NBPF26: variants seen among roughly 807,000 people sequenced by gnomAD.
The protein encoded by NBPF26 is NBPF family member NBPF26.
In NBPF26, 79 loss-of-function variants were observed where a neutral mutation model predicts 119.6. The ratio of observed to expected loss-of-function variants is 0.66; its 90% confidence interval spans 0.55 to 0.80. The LOEUF (loss-of-function observed/expected upper bound fraction) is 0.80. Ranked by LOEUF, NBPF26 falls within the 30% of genes least tolerant of loss-of-function variation. NBPF26 has a pLI of 0.00. For synonymous variants in NBPF26, 299 were observed against 457.7 expected (o/e 0.65, Z 4.43); for missense variants, 800 against 1,198.2 (o/e 0.67, Z 4.91).
At chr1:120,812,918 TAAA>T (rs1387856415) in intron 10 of NBPF26, among the ~76,000 whole-genome samples, 4,099 of 37,328 alleles carry the variant, frequency 0.11, 7 homozygotes, top group Middle Eastern at 0.18. Context: ...GCAAGACTGC[TAAA>T]AATAATAATA....
intron 14 of NBPF26, 65 bp downstream of exon 14, chr1:120,816,892 A>C: frequency 6.9e-7 from 1 of 1,444,378 alleles, no homozygotes; most frequent in Non-Finnish European, 9.3e-7. Context: ...CTCTGAAGAC[A>C]GGCTCTATAA....
intron 3 of NBPF26, among the ~76,000 whole-genome samples, chr1:120,790,661 G>T (rs1205907190): frequency 1.9e-5 from 2 of 105,316 alleles, no homozygotes; most frequent in Admixed American, 9.5e-5. Flanking sequence ...GTACAGTGGC[G>T]CAGTCTCGGC....
intron 3 of NBPF26, among the ~76,000 whole-genome samples, chr1:120,789,519 A>G (rs1651459962): frequency 8.9e-6 from 1 of 112,438 alleles, no homozygotes; most frequent in Non-Finnish European, 1.7e-5. Context: ...TGAGGAACCC[A>G]TCAGATCTCA....
At position 120,840,372 on chromosome 1, in the gene NBPF26, G is replaced by A; in HGVS notation, c.4126G>A (p.Val1376Met). Reference sequence around the variant, plus strand: ...CAGGCTCAACAGCATGCTGATGGAAGTGGAAGAGCCTGAAGTCTTGCAGGA... The same window carrying A: ...CAGGCTCAACAGCATGCTGATGGAAATGGAAGAGCCTGAAGTCTTGCAGGA... Residue 1376 changes from valine to methionine, a missense_variant, in exon 30 of 30, where the codon GTG (valine) becomes ATG (methionine). Coordinates refer to ENST00000620612, the Ensembl canonical transcript of NBPF26. 9.6e-6 allele frequency: 14 copies of A among 1,460,200 alleles called. 4 individuals carry two copies. The highest frequency in any genetic ancestry group is 4.7e-5 in the South Asian group (4 of 84,372). 90.5% of individuals were successfully genotyped at this position (1,460,200 alleles called of 1,614,324 possible).
chr1:120,793,312 A>G lies in NBPF26; in HGVS notation c.567A>G (p.Pro189=), dbSNP rs1651514444. The G allele has an allele frequency of 2.9e-5, 40 of 1,402,780 alleles. 9 individuals carry two copies. The highest frequency in any genetic ancestry group is 9.6e-7 in the Non-Finnish European group (1 of 1,045,126). The allele number at this position is 1,402,780 out of a possible 1,614,324, so 86.9% of individuals were successfully genotyped here. ...CTGATGTCAATGAGTGTGACATTCC[A>G]GGACACTGCCAGCATGGTGGCACCT... The change falls in exon 4 of 30, where the codon CCA becomes CCG. Residue 189 remains proline, a synonymous_variant. Transcript: ENST00000620612.
intron 2 of NBPF26, among the ~76,000 whole-genome samples, chr1:120,767,746 G>T (rs1651209739): frequency 8.6e-6 from 1 of 115,828 alleles, no homozygotes; most frequent in South Asian, 2.5e-4. Context: ...GTTTGCTTCA[G>T]ACTTTCAAAT....
intron 3 of NBPF26, among the ~76,000 whole-genome samples, chr1:120,790,110 G>T (rs1651467794): frequency 1.1e-5 from 1 of 93,622 alleles, no homozygotes; most frequent in African/African-American, 7.7e-5. Flanking sequence ...CCACCTCCCG[G>T]GTTCACGCCA....
At chr1:120,752,552 A>ATTTTTTTT (rs1386751525) in intron 1 of NBPF26, among the ~76,000 whole-genome samples, 298 of 8,934 alleles carry the variant, frequency 0.033, no homozygotes, top group Non-Finnish European at 0.043. Flanking sequence ...ATATATATAT[A>ATTTTTTTT]TATTTTTTTT....
intron 4 of NBPF26, among the ~76,000 whole-genome samples, chr1:120,801,638 T>C (rs1434612100): frequency 9.6e-6 from 1 of 104,584 alleles, no homozygotes; most frequent in Non-Finnish European, 1.8e-5. Flanking sequence ...AAAACCAGCC[T>C]GAGCAACATA....
At position 120,840,333 on chromosome 1, in the gene NBPF26, T is replaced by G; in HGVS notation, c.4104-17T>G. On this transcript the variant is annotated splice_polypyrimidine_tract_variant and intron_variant, in intron 29 of 29. Transcript: ENST00000620612. ...GATTTTCCCTGGCTGCTTCTTTAGT[T>G]TTGTCTCCTTTTGCAGGCTCAACAG... 2.1e-6 allele frequency: 3 copies of G among 1,445,114 alleles called. 1 individual carries two copies. In the South Asian group the frequency reaches 3.6e-5, roughly 17 times the overall value. The allele number at this position is 1,445,114 out of a possible 1,614,324, so 89.5% of individuals were successfully genotyped here. A position where few individuals can be genotyped will look rare whatever the true frequency, so the allele number is the denominator to read the frequency against.
chr1:120,812,862 G>T (rs1389094288), intron 10 of NBPF26, among the ~76,000 whole-genome samples: 106 of 110,748 alleles, frequency 9.6e-4, no homozygotes, highest in Non-Finnish European at 1.2e-3. Flanking sequence ...GGCTGAGGTT[G>T]CAGTGAGCCA....
In NBPF26 at chr1:120,801,855, A is replaced by T. The variant is rs1373422848; in HGVS notation, c.752-3701A>T. Among the ~76,000 whole-genome samples, 65 of 87,382 alleles carry T rather than the reference A, an allele frequency of 7.4e-4. 13 individuals carry two copies. The highest frequency in any genetic ancestry group is 4.5e-3 in the African/African-American group (57 of 12,768). The allele number at this position is 87,382 out of a possible 152,430, so 57.3% of individuals were successfully genotyped here. A position where few individuals can be genotyped will look rare whatever the true frequency, so the allele number is the denominator to read the frequency against. On this transcript the variant is annotated intron_variant, in intron 4 of 29. Coordinates refer to ENST00000620612, the Ensembl canonical transcript of NBPF26. ...AAAAAAAAAAAAAAAAAAAAAAGGCATCTCACTTTAATAGTAAGAGGCCAG... is the reference window on the plus strand; with the variant it reads ...AAAAAAAAAAAAAAAAAAAAAAGGCTTCTCACTTTAATAGTAAGAGGCCAG...
Position 120,724,679 on chromosome 1 carries a change from C to T in NBPF26, c.73+429C>T, listed in dbSNP as rs1461234157. The stretch of plus-strand genomic sequence containing the variant: ...CTGGCGTGGAGAGCGGGGGCAGGGC[C>T]GCCAAGCCAAACGGCCTGCAGCTTC... On this transcript the variant is annotated intron_variant, in intron 1 of 29. Coordinates refer to ENST00000620612, the Ensembl canonical transcript of NBPF26. Among the ~76,000 whole-genome samples the T allele has an allele frequency of 1.6e-5, 2 of 124,320 alleles. 1 individual carries two copies. The highest frequency in any genetic ancestry group is 3.3e-5 in the Non-Finnish European group (2 of 61,376). The allele number at this position is 124,320 out of a possible 152,430, so 81.6% of individuals were successfully genotyped here. A position where few individuals can be genotyped will look rare whatever the true frequency, so the allele number is the denominator to read the frequency against.
At chr1:120,820,447 A>AAAAAAT (rs1553271997) in intron 15 of NBPF26, among the ~76,000 whole-genome samples, 1 of 10,836 alleles carries the variant, frequency 9.2e-5, no homozygotes, top group African/African-American at 5.4e-4. Context: ...AAGTATTAAA[A>AAAAAAT]ATATATATAT....
In NBPF26 at chr1:120,783,700, A is replaced by G. The variant is rs1651391278; in HGVS notation, c.156-1274A>G. Among the ~76,000 whole-genome samples the G allele has an allele frequency of 1.7e-5, 2 of 117,304 alleles. 1 individual carries two copies. Among genetic ancestry groups the G allele is most frequent in the South Asian group, 4.9e-4 (2 of 4,068 alleles). The allele number at this position is 117,304 out of a possible 152,430, so 77.0% of individuals were successfully genotyped here. On this transcript the variant is annotated intron_variant, in intron 2 of 29. Transcript: ENST00000620612. Reference sequence around the variant, plus strand: ...AAAACCAAGTGAACAACAGTAACAAATGCATTTGAGAGAAAGAGCAGTGCA... The same window carrying G: ...AAAACCAAGTGAACAACAGTAACAAGTGCATTTGAGAGAAAGAGCAGTGCA...
intron 29 of NBPF26, 111 bp from the exon 36 acceptor site, chr1:120,840,239 T>A: frequency 7.1e-7 from 1 of 1,407,674 alleles, no homozygotes; most frequent in Non-Finnish European, 9.4e-7. Context: ...CATTAATGGA[T>A]CTATCCTTTT....
chr1:120,840,647 C>G, downstream of NBPF26: 3 of 1,447,122 alleles, frequency 2.1e-6, 1 homozygote, highest in South Asian at 3.6e-5. Context: ...CCTATAGGCA[C>G]GTGAAGATTT....
chr1:120,813,947 AAGG>A (rs1651940755), exon 11 of NBPF26: 3 of 1,499,096 alleles, frequency 2.0e-6, no homozygotes, highest in Non-Finnish European at 2.7e-6. Context: ...GCGACAGTTC[AAGG>A]AGGAGAAGCT....
rs1553271513 is a variant in NBPF26, at chr1:120,814,817, G to A, written c.1878-12G>A. On this transcript the variant is annotated splice_polypyrimidine_tract_variant and intron_variant, in intron 11 of 29. Coordinates refer to ENST00000620612, the Ensembl canonical transcript of NBPF26. ...TTTCTACTCTTAAATTTTCTCTACC[G>A]TCTCACCTTAGGCAATATAAAGTCC... The A allele has an allele frequency of 6.3e-4, 792 of 1,248,262 alleles. 167 individuals carry two copies. The highest frequency in any genetic ancestry group is 2.9e-3 in the African/African-American group (127 of 44,500). The allele number at this position is 1,248,262 out of a possible 1,614,324, so 77.3% of individuals were successfully genotyped here.
Sources: gnomAD v4.1 joint callset for allele counts (sites outside exome capture counted in the v4.1 genomes callset) on GRCh38, gnomAD v4.1.1 for gene constraint, MANE v1.5 for transcripts, NCBI Gene and HGNC (gene_info 2026-07-23, HGNC 2026-07-21) for gene names.